The following ANKRD30A variants were observed in gnomAD, a reference collection of about 807,000 sequenced individuals.
ANKRD30A encodes ankyrin repeat domain 30A, also known as ankyrin repeat domain-containing protein 30A.
In ANKRD30A, 170 loss-of-function variants were observed where a neutral mutation model predicts 166.3. The ratio of observed to expected loss-of-function variants is 1.02; its 90% CI spans 0.90 to 1.16. ANKRD30A has a LOEUF of 1.16. Ranked by LOEUF, ANKRD30A falls within the 50% of genes most tolerant of loss-of-function variation. The probability of loss-of-function intolerance (pLI) is 0.00; values close to 1 mark genes in which losing one functional copy is unlikely to be tolerated. For synonymous variants in ANKRD30A, 564 were observed against 508.9 expected (o/e 1.11, Z -1.46); for missense variants, 1,630 against 1,518.0 (o/e 1.07, Z -1.23).
chr10:37,255,379 T>G, the ANKRD30A span, among the ~76,000 whole-genome samples: 1 of 152,184 alleles, frequency 6.6e-6, no homozygotes, highest in Non-Finnish European at 1.5e-5. Flanking sequence ...TATATCCATG[T>G]AACAAAATTG....
chr10:37,132,011 A>C (rs1836407532), intron 3 of ANKRD30A, among the ~76,000 whole-genome samples: 1 of 152,230 alleles, frequency 6.6e-6, no homozygotes, highest in Non-Finnish European at 1.5e-5. Flanking sequence ...AAATCATTAC[A>C]ATATAATGAT....
chr10:37,154,284 T>C (rs1262125968), intron 13 of ANKRD30A, among the ~76,000 whole-genome samples: 1 of 152,176 alleles, frequency 6.6e-6, no homozygotes, highest in East Asian at 1.9e-4. Context: ...ACCAGAAGTT[T>C]TCAAACTTTA....
At chr10:37,149,227 G>T (rs1266586139) in intron 9 of ANKRD30A, among the ~76,000 whole-genome samples, 1 of 151,970 alleles carries the variant, frequency 6.6e-6, no homozygotes, top group Non-Finnish European at 1.5e-5. Context: ...TCACTGATGA[G>T]ATGTCAATTC....
intron 25 of ANKRD30A, among the ~76,000 whole-genome samples, chr10:37,191,043 G>C (rs1470483848): frequency 6.6e-6 from 1 of 151,682 alleles, no homozygotes; most frequent in Admixed American, 6.6e-5. Flanking sequence ...TACCTAAATT[G>C]TTGTTATTCG....
the ANKRD30A span, among the ~76,000 whole-genome samples, chr10:37,246,905 C>T: frequency 2.6e-5 from 4 of 152,158 alleles, no homozygotes; most frequent in Admixed American, 2.6e-4. Flanking sequence ...AAAAATGTCT[C>T]CAGACATTGT....
At chr10:37,195,755 G>A (rs1215644793) in intron 27 of ANKRD30A, among the ~76,000 whole-genome samples, 2 of 152,098 alleles carry the variant, frequency 1.3e-5, no homozygotes, top group Non-Finnish European at 2.9e-5. Flanking sequence ...TTAGCCGGAC[G>A]TGGTGGCACG....
intron 3 of ANKRD30A, among the ~76,000 whole-genome samples, chr10:37,131,286 T>A (rs1361661644): frequency 6.6e-6 from 1 of 152,158 alleles, no homozygotes; most frequent in Admixed American, 6.6e-5. Flanking sequence ...TTTTGATATT[T>A]TGCCAAAAAT....
chr10:37,197,043 A>G (rs1227928775), intron 27 of ANKRD30A, among the ~76,000 whole-genome samples: 1 of 152,176 alleles, frequency 6.6e-6, no homozygotes, highest in Non-Finnish European at 1.5e-5. Flanking sequence ...TACACGTGAA[A>G]CACAATCTCG....
chr10:37,202,306 T>A (rs1841677537), intron 31 of ANKRD30A, among the ~76,000 whole-genome samples: 1 of 152,032 alleles, frequency 6.6e-6, no homozygotes. Context: ...CACAGTGCAA[T>A]AAAACTAGAA....
chr10:37,196,273 G>A (rs191811913), intron 27 of ANKRD30A, among the ~76,000 whole-genome samples: 20 of 151,942 alleles, frequency 1.3e-4, no homozygotes, highest in East Asian at 5.8e-4. Flanking sequence ...AGAGACTACC[G>A]GAAGCAGGAG....
At chr10:37,151,605 C>G (rs17605819) in intron 11 of ANKRD30A, among the ~76,000 whole-genome samples, 1 of 152,064 alleles carries the variant, frequency 6.6e-6, no homozygotes, top group Admixed American at 6.6e-5. Flanking sequence ...AGTTAATACT[C>G]CTAAAAAATC....
intron 34 of ANKRD30A, among the ~76,000 whole-genome samples, chr10:37,223,654 G>A (rs891090196): frequency 1.1e-4 from 17 of 151,256 alleles, no homozygotes; most frequent in African/African-American, 4.1e-4. Context: ...ATTTTGGGTT[G>A]TTTTTTAAAA....
At chr10:37,190,470 A>T (rs1402530331) in intron 25 of ANKRD30A, among the ~76,000 whole-genome samples, 1 of 151,844 alleles carries the variant, frequency 6.6e-6, no homozygotes, top group Non-Finnish European at 1.5e-5. Flanking sequence ...TAGAAATTAT[A>T]GATGGAAGAT....
At chr10:37,141,444 T>G (rs1368842350) in intron 6 of ANKRD30A, among the ~76,000 whole-genome samples, 1 of 151,222 alleles carries the variant, frequency 6.6e-6, no homozygotes, top group Non-Finnish European at 1.5e-5. Flanking sequence ...ATGGCCCACG[T>G]CTGTAATCCC....
At chr10:37,227,689 CAA>C (rs1044419043) in intron 34 of ANKRD30A, among the ~76,000 whole-genome samples, 169 of 152,054 alleles carry the variant, frequency 1.1e-3, no homozygotes, top group African/African-American at 4.0e-3. Context: ...CTTACAAAGA[CAA>C]GAGTCCATTC....
At chr10:37,260,903 A>C in the ANKRD30A span, among the ~76,000 whole-genome samples, 1 of 152,284 alleles carries the variant, frequency 6.6e-6, no homozygotes, top group East Asian at 1.9e-4. Context: ...ATGAGAAGGG[A>C]GGGAGAGAAA....
chr10:37,245,451 G>C, the ANKRD30A span, among the ~76,000 whole-genome samples: 1 of 151,818 alleles, frequency 6.6e-6, no homozygotes, highest in Non-Finnish European at 1.5e-5. Flanking sequence ...GAATAATGTT[G>C]AATAAATGTG....
At chr10:37,228,661 C>T (rs1342764932) in intron 34 of ANKRD30A, among the ~76,000 whole-genome samples, 1 of 151,948 alleles carries the variant, frequency 6.6e-6, no homozygotes, top group Non-Finnish European at 1.5e-5. Context: ...AGCACACTTG[C>T]CTAGTAATAA....
chr10:37,214,317 G>T (rs914280700), intron 31 of ANKRD30A, among the ~76,000 whole-genome samples: 1 of 151,060 alleles, frequency 6.6e-6, no homozygotes, highest in Non-Finnish European at 1.5e-5. Flanking sequence ...TTTCTTATAG[G>T]CATTACACAG....
Sources: allele counts gnomAD v4.1 joint callset (sites outside exome capture counted in the v4.1 genomes callset), GRCh38; gene constraint gnomAD v4.1.1; transcripts MANE v1.5; gene names NCBI Gene and HGNC (gene_info 2026-07-23, HGNC 2026-07-21).